Variants in TJP1 observed in about 807,000 individuals in gnomAD.
TJP1 encodes tight junction protein ZO-1.
TJP1 carries 43 observed loss-of-function variants against 194.2 expected under a neutral mutation model. The ratio of observed to expected loss-of-function variants is 0.22; its 90% confidence interval spans 0.17 to 0.29. The LOEUF (loss-of-function observed/expected upper bound fraction) is 0.29, where lower values mean the gene tolerates loss of function less well. Ranked by LOEUF, TJP1 falls within the 10% of genes least tolerant of loss-of-function variation. TJP1 has a pLI of 1.00. For synonymous variants in TJP1, 801 were observed against 779.0 expected (o/e 1.03, Z -0.47); for missense variants, 1,971 against 2,185.7 (o/e 0.90, Z 1.96).
chr15:29,893,008 C>T, intron 2 of TJP1, among the ~76,000 whole-genome samples: 1 of 152,126 alleles, frequency 6.6e-6, no homozygotes, highest in East Asian at 1.9e-4. Context: ...AATTAAAAAT[C>T]TTCTGGAAAG....
intron 23 of TJP1, 62 bp from the exon 24 acceptor site, chr15:29,711,062 C>T (rs1595572540): frequency 6.7e-7 from 1 of 1,482,574 alleles, no homozygotes; most frequent in East Asian, 2.3e-5. Context: ...AAAACAAGTT[C>T]TCATTTCTCC....
At position 29,700,183 on chromosome 15, in the gene TJP1, A is replaced by C. The variant is rs1167511739; in HGVS notation, c.*1412T>G. 3 of 398,724 alleles carry C rather than the reference A, an allele frequency of 7.5e-6. No homozygotes were observed. Among genetic ancestry groups the C allele is most frequent in the African/African-American group, 4.1e-5 (2 of 48,642 alleles). The allele number at this position is 398,724 out of a possible 1,614,324, so 24.7% of individuals were successfully genotyped here. A position where few individuals can be genotyped will look rare whatever the true frequency, so the allele number is the denominator to read the frequency against. On this transcript the variant is annotated 3_prime_UTR_variant, in exon 28 of 28. Coordinates refer to ENST00000614355, the MANE Select transcript of TJP1 (RefSeq NM_001330239.4). ...TTAAAAAGTTTTATTTTGGAGATTTAGAAATTTGAGATTTTTAATAACGGC... is the reference window on the plus strand; with the variant it reads ...TTAAAAAGTTTTATTTTGGAGATTTCGAAATTTGAGATTTTTAATAACGGC...
intron 8 of TJP1, among the ~76,000 whole-genome samples, chr15:29,755,405 G>C (rs2045580449): frequency 1.3e-5 from 2 of 152,184 alleles, no homozygotes; most frequent in Admixed American, 1.3e-4. Flanking sequence ...GGATTGTATA[G>C]ATAAGAGGTT....
chr15:29,796,449 T>C lies in TJP1; in HGVS notation c.84+4197A>G, dbSNP rs180988678. Among the ~76,000 whole-genome samples, 325 of 147,438 alleles carry C rather than the reference T, an allele frequency of 2.2e-3. 1 individual carries two copies. Among genetic ancestry groups the C allele is most frequent in the Middle Eastern group, 7.1e-3 (2 of 280 alleles). ...TACAATAGCGCCAAGAAACATGAGA[T>C]ATTTAACTATAAACCTAACAAAAAT... On this transcript the variant is annotated intron_variant, in intron 2 of 27. Coordinates refer to ENST00000614355, the MANE Select transcript of TJP1 (RefSeq NM_001330239.4).
chr15:29,769,182 C>G lies in TJP1; in HGVS notation c.313-2640G>C, dbSNP rs1595827532. Among the ~76,000 whole-genome samples the G allele has an allele frequency of 2.0e-5, 3 of 152,258 alleles. 1 individual carries two copies. Among genetic ancestry groups the G allele is most frequent in the African/African-American group, 7.2e-5 (3 of 41,530 alleles). ...GAAAACACTCTAGTATGACCATCAC[C>G]ACCATATAAATGCAAAGGACATGAA... On this transcript the variant is annotated intron_variant, in intron 4 of 27. Coordinates refer to ENST00000614355, the MANE Select transcript of TJP1 (RefSeq NM_001330239.4).
chr15:29,968,874 T>G (rs1002176818), exon 1 of TJP1: 3 of 393,054 alleles, frequency 7.6e-6, no homozygotes, highest in Non-Finnish European at 3.4e-6. Flanking sequence ...CCACCACAGC[T>G]CCCACCGCTC....
At chr15:29,968,062 C>T in intron 1 of TJP1, 2 of 985,232 alleles carry the variant, frequency 2.0e-6, no homozygotes, top group Non-Finnish European at 2.4e-6. Context: ...CCAGTAAGGT[C>T]CAGACATTTT....
intron 2 of TJP1, among the ~76,000 whole-genome samples, chr15:29,876,210 A>T (rs985229123): frequency 9.9e-5 from 15 of 152,176 alleles, no homozygotes; most frequent in Non-Finnish European, 1.8e-4. Context: ...ACAAATTCGT[A>T]AACTTGCTTA....
rs1164915228 is a variant in TJP1 at position 29,720,377 on chromosome 15, A to C, written c.2744T>G (p.Phe915Cys). The stretch of plus-strand genomic sequence containing the variant: ...GCTTACCTGTTGAGAGGCTGGCTTA[A>C]ATCCAGGGGAGTCTATTCTATGAAT... ...QPIHRIDSPG[F>C]KPASQQKAEA... Residue 915 changes from phenylalanine to cysteine, a missense_variant, in exon 19 of 28, where the codon TTT becomes TGT. This residue lies in a region of TJP1 where 1,108 missense variants were observed against 1,128.5 expected (regional missense o/e 0.98). Transcript: ENST00000614355. The C allele has an allele frequency of 3.1e-6, 5 of 1,590,604 alleles. No homozygotes were observed. The highest frequency in any genetic ancestry group is 4.3e-6 in the Non-Finnish European group (5 of 1,168,300).
At chr15:29,807,488 G>A (rs1469831179) in intron 1 of TJP1, among the ~76,000 whole-genome samples, 1 of 152,154 alleles carries the variant, frequency 6.6e-6, no homozygotes, top group Non-Finnish European at 1.5e-5. Flanking sequence ...AATTTATTCA[G>A]GTAGACAGGA....
chr15:29,843,070 A>G (rs1213403958), intron 2 of TJP1, among the ~76,000 whole-genome samples: 4 of 152,044 alleles, frequency 2.6e-5, no homozygotes, highest in Non-Finnish European at 5.9e-5. Flanking sequence ...ATGAGTAAAA[A>G]TGCTCATTTT....
chr15:29,719,236 G>A, intron 20 of TJP1, 98 bp from the exon 21 acceptor site: 10 of 1,309,862 alleles, frequency 7.6e-6, no homozygotes, highest in Non-Finnish European at 1.0e-5. Flanking sequence ...TTTAATATGT[G>A]AAAATGGTAT....
At position 29,700,606 on chromosome 15, in the gene TJP1, A is replaced by C; in HGVS notation, c.*989T>G. 1 of 395,456 alleles carries C rather than the reference A, an allele frequency of 2.5e-6. No homozygotes were observed. Among genetic ancestry groups the C allele is most frequent in the East Asian group, 3.6e-5 (1 of 27,878 alleles). 24.5% of individuals were successfully genotyped at this position (395,456 alleles called of 1,614,324 possible). On this transcript the variant is annotated 3_prime_UTR_variant, in exon 28 of 28. Transcript: ENST00000614355. ...AAAAAAGGTAAAGTTTATAAAAGTT[A>C]ATTTACAAACCAAGAACAAAAGTGG... is the stretch of plus-strand genomic sequence containing the variant.
At chr15:29,774,470 G>C (rs1423434273) in intron 2 of TJP1, among the ~76,000 whole-genome samples, 2 of 152,258 alleles carry the variant, frequency 1.3e-5, no homozygotes, top group East Asian at 3.9e-4. Context: ...AATCAACCTT[G>C]AAAACATCAT....
intron 26 of TJP1, among the ~76,000 whole-genome samples, chr15:29,704,772 TC>T (rs1185215032): frequency 6.6e-6 from 1 of 152,246 alleles, no homozygotes; most frequent in Non-Finnish European, 1.5e-5. Context: ...TTTTCCATTT[TC>T]AAAATGTTTT....
rs373628494 is a variant in TJP1 at position 29,834,007 on chromosome 15, T to C, written c.307-33305A>G. On this transcript the variant is annotated intron_variant, in intron 2 of 28. Coordinates refer to the TJP1 transcript ENST00000356107. The stretch of plus-strand genomic sequence containing the variant: ...ACGCCATTCTCCTGCCTCAGCCTCC[T>C]GAGTAGCTGGGATACAGGCGCCCGC... Among the ~76,000 whole-genome samples the C allele has an allele frequency of 4.8e-3, 156 of 32,318 alleles. 3 individuals carry two copies. In the South Asian group the frequency reaches 0.11, roughly 24 times the overall value. The allele number at this position is 32,318 out of a possible 152,430, so 21.2% of individuals were successfully genotyped here. A position where few individuals can be genotyped will look rare whatever the true frequency, so the allele number is the denominator to read the frequency against.
At chr15:29,820,204 A>G (rs1349778510) in intron 1 of TJP1, among the ~76,000 whole-genome samples, 1 of 151,592 alleles carries the variant, frequency 6.6e-6, no homozygotes, top group Non-Finnish European at 1.5e-5. Context: ...TGGGGAAAAC[A>G]AACGCATCAT....
intron 1 of TJP1, chr15:29,820,779 G>C (rs1450658478): frequency 5.3e-6 from 3 of 560,876 alleles, no homozygotes; most frequent in Non-Finnish European, 9.5e-6. Flanking sequence ...TTTACCTTTA[G>C]ATTGTTCTTC....
intron 2 of TJP1, among the ~76,000 whole-genome samples, chr15:29,875,231 ATAAGGCACTG>A (rs1484841118): frequency 6.6e-6 from 1 of 152,236 alleles, no homozygotes; most frequent in Non-Finnish European, 1.5e-5. Flanking sequence ...CAGCCCTATG[ATAAGGCACTG>A]TGGCCATCCG....
Sources: allele counts gnomAD v4.1 joint callset (sites outside exome capture counted in the v4.1 genomes callset), GRCh38; gene constraint gnomAD v4.1.1; regional missense constraint gnomAD v4.1.1; transcripts MANE v1.5; gene names NCBI Gene and HGNC (gene_info 2026-07-23, HGNC 2026-07-21).